The following SYNDIG1 variants were observed in gnomAD, a reference collection of about 807,000 sequenced individuals.
SYNDIG1 encodes the protein synapse differentiation-inducing gene protein 1.
Under a neutral mutation model 19.4 loss-of-function variants are expected in SYNDIG1, and 9 were observed. That is an observed-to-expected ratio of 0.46 (90% CI 0.28 to 0.81). The LOEUF (loss-of-function observed/expected upper bound fraction) is 0.81, where lower values mean the gene tolerates loss of function less well. Among genes scored for constraint, SYNDIG1 ranks in the 30% least tolerant of loss-of-function variants. The pLI is 0.12. For missense variants in SYNDIG1, 311 were observed against 343.3 expected, an observed-to-expected ratio of 0.91 and a Z score of 0.74; for synonymous variants, 141 against 145.9, an observed-to-expected ratio of 0.97 and a Z score of 0.24.
intron 1 of SYNDIG1, among the ~76,000 whole-genome samples, chr20:24,541,426 G>C (rs755156008): frequency 1.3e-5 from 2 of 152,226 alleles, no homozygotes; most frequent in African/African-American, 4.8e-5. Context: ...TTACAATAGT[G>C]TTATAGAAAG....
chr20:24,583,626 A>C lies in SYNDIG1; in HGVS notation c.481-1230A>C, dbSNP rs142548807. Among the ~76,000 whole-genome samples the C allele has an allele frequency of 9.2e-5, 14 of 152,310 alleles. No individual in the cohort carries two copies. In the East Asian group the frequency reaches 2.5e-3, roughly 27 times the overall value. ...AAGAGCCCAGCCAGTGGAATGACAG[A>C]CAGGAGGCACCCTCTGCACAAACAC... is the stretch of plus-strand genomic sequence containing the variant. On this transcript the variant is annotated intron_variant, in intron 2 of 3. Coordinates refer to ENST00000376862, the MANE Select transcript of SYNDIG1 (RefSeq NM_024893.3).
In SYNDIG1 at chr20:24,655,992, A is replaced by G. The variant is rs75900755; in HGVS notation, c.619-9354A>G. Among the ~76,000 whole-genome samples, 209 of 152,352 alleles carry G rather than the reference A, an allele frequency of 1.4e-3. 2 individuals are homozygous for G. The highest frequency in any genetic ancestry group is 5.0e-3 in the African/African-American group (206 of 41,578). On this transcript the variant is annotated intron_variant, in intron 3 of 3. Transcript: ENST00000376862. ...AGTCAGACACCATCGTGCGTGTACT[A>G]TGGGACCTATAGGGAGTTCCAAAGC...
intron 1 of SYNDIG1, among the ~76,000 whole-genome samples, chr20:24,482,330 A>C (rs556436928): frequency 6.6e-6 from 1 of 152,050 alleles, no homozygotes; most frequent in Admixed American, 6.6e-5. Context: ...CAGCCTCCCA[A>C]AGTGCTGGGA....
At chr20:24,638,056 T>C (rs568691809) in intron 3 of SYNDIG1, among the ~76,000 whole-genome samples, 1 of 152,338 alleles carries the variant, frequency 6.6e-6, no homozygotes, top group East Asian at 1.9e-4. Flanking sequence ...AAACACTGCA[T>C]CATTTAGCCT....
chr20:24,517,294 G>A (rs1425135901), intron 1 of SYNDIG1, among the ~76,000 whole-genome samples: 1 of 149,168 alleles, frequency 6.7e-6, no homozygotes, highest in Admixed American at 6.7e-5. Context: ...AGAACTTAAA[G>A]TATAATAAAA....
chr20:24,583,513 G>T lies in SYNDIG1; in HGVS notation c.481-1343G>T, dbSNP rs373383977. Reference sequence around the variant, plus strand: ...GAAAACAATATCTGGAATAAGATGGGCGCCATCTTTGTATAGGACAAATGC... The same window carrying T: ...GAAAACAATATCTGGAATAAGATGGTCGCCATCTTTGTATAGGACAAATGC... On this transcript the variant is annotated intron_variant, in intron 2 of 3. Transcript: ENST00000376862. 4.6e-5 allele frequency among the ~76,000 whole-genome samples: 7 copies of T among 152,350 alleles called. No homozygotes were observed. The South Asian group carries it at 8.3e-4, about 18-fold the overall frequency.
intron 3 of SYNDIG1, among the ~76,000 whole-genome samples, chr20:24,642,401 C>G (rs536989563): frequency 6.6e-5 from 10 of 152,284 alleles, no homozygotes; most frequent in African/African-American, 2.2e-4. Context: ...CACTCTTTCC[C>G]CCTTCCCATG....
At chr20:24,500,523 T>TTTC (rs879829682) in intron 1 of SYNDIG1, among the ~76,000 whole-genome samples, 3,949 of 134,868 alleles carry the variant, frequency 0.029, 159 homozygotes, top group African/African-American at 0.1. Context: ...TCTTTCTTTC[T>TTTC]TTCTTTCTTC....
chr20:24,547,231 TC>T (rs1457952889), intron 2 of SYNDIG1, among the ~76,000 whole-genome samples: 1 of 152,214 alleles, frequency 6.6e-6, no homozygotes, highest in Non-Finnish European at 1.5e-5. Flanking sequence ...GGCTGTGTTT[TC>T]CCCAATCACT....
chr20:24,640,473 AGAAGGAAGGAAGGAAGGAAGGAAGGAAG>A (rs201004570), intron 3 of SYNDIG1, among the ~76,000 whole-genome samples: 2,465 of 100,566 alleles, frequency 0.025, 30 homozygotes, highest in Non-Finnish European at 0.036. Flanking sequence ...AGGGAGGGAA[AGAAGGAAGGAAGGAAGGAAGGAAGGAAG>A]GAAGGAAGGA....
At chr20:24,654,146 A>G (rs1448688828) in intron 3 of SYNDIG1, among the ~76,000 whole-genome samples, 1 of 152,194 alleles carries the variant, frequency 6.6e-6, no homozygotes, top group Non-Finnish European at 1.5e-5. Flanking sequence ...AAATCTCACC[A>G]GTTAATCAGT....
chr20:24,632,129 TGTGG>T (rs1217692970), intron 3 of SYNDIG1, among the ~76,000 whole-genome samples: 1 of 152,258 alleles, frequency 6.6e-6, no homozygotes, highest in Non-Finnish European at 1.5e-5. Context: ...AAGTGGGGGC[TGTGG>T]GCCCAGGGCG....
At chr20:24,486,274 GGC>G (rs1391488813) in intron 1 of SYNDIG1, among the ~76,000 whole-genome samples, 1 of 152,198 alleles carries the variant, frequency 6.6e-6, no homozygotes, top group Non-Finnish European at 1.5e-5. Flanking sequence ...CTGGAGAGGT[GGC>G]AACCCCCTTG....
chr20:24,623,246 C>T (rs4815289), intron 3 of SYNDIG1, among the ~76,000 whole-genome samples: 34,500 of 151,354 alleles, frequency 0.23, 4,497 homozygotes, highest in Admixed American at 0.37. Flanking sequence ...CTTTAAAGAT[C>T]TGAAGAAACA....
chr20:24,650,620 G>T (rs1358592384), intron 3 of SYNDIG1, among the ~76,000 whole-genome samples: 1 of 152,194 alleles, frequency 6.6e-6, no homozygotes, highest in Non-Finnish European at 1.5e-5. Flanking sequence ...CTGGGTCTCA[G>T]AATTCAGAGC....
At chr20:24,539,761 TGTTTTG>T (rs912417785) in intron 1 of SYNDIG1, among the ~76,000 whole-genome samples, 7 of 93,384 alleles carry the variant, frequency 7.5e-5, no homozygotes, top group African/African-American at 3.3e-4. Context: ...TTTTCAGCAG[TGTTTTG>T]TTTGTTTGTT....
chr20:24,597,928 A>C (rs1260286129), intron 3 of SYNDIG1, among the ~76,000 whole-genome samples: 1 of 152,210 alleles, frequency 6.6e-6, no homozygotes, highest in African/African-American at 2.4e-5. Flanking sequence ...ATAGAGGTGC[A>C]TTCTGGTCCA....
In SYNDIG1 at chr20:24,633,315, C is replaced by T. The variant is rs1020063497; in HGVS notation, c.619-32031C>T. Among the ~76,000 whole-genome samples the T allele has an allele frequency of 1.2e-4, 19 of 152,182 alleles. 1 individual carries two copies. Among genetic ancestry groups the T allele is most frequent in the Non-Finnish European group, 1.6e-4 (11 of 68,036 alleles). On this transcript the variant is annotated intron_variant, in intron 3 of 3. Transcript: ENST00000376862. Reference sequence around the variant, plus strand: ...GCCACCACTGCCCACCTCTCTGGCACGTGCCTTCCTCCCTGACACCACCCA... The same window carrying T: ...GCCACCACTGCCCACCTCTCTGGCATGTGCCTTCCTCCCTGACACCACCCA...
At chr20:24,488,072 T>C (rs1600407895) in intron 1 of SYNDIG1, among the ~76,000 whole-genome samples, 2 of 152,012 alleles carry the variant, frequency 1.3e-5, no homozygotes, top group African/African-American at 4.8e-5. Flanking sequence ...ACCCACCAAC[T>C]CTTAGGGTGA....
Sources: gnomAD v4.1 joint callset for allele counts (sites outside exome capture counted in the v4.1 genomes callset) on GRCh38, gnomAD v4.1.1 for gene constraint, MANE v1.5 for transcripts, NCBI Gene and HGNC (gene_info 2026-07-23, HGNC 2026-07-21) for gene names.